ENTREP2: variants seen among roughly 807,000 people sequenced by gnomAD.
ENTREP2 encodes protein ENTREP2.
the ENTREP2 span, among the ~76,000 whole-genome samples, chr15:29,246,576 T>C: frequency 6.6e-6 from 1 of 151,836 alleles, no homozygotes; most frequent in African/African-American, 2.4e-5. Flanking sequence ...GGCGGGCGCC[T>C]GTAATCCCAG....
the ENTREP2 span, among the ~76,000 whole-genome samples, chr15:29,406,967 T>A: frequency 3.3e-5 from 5 of 152,154 alleles, no homozygotes; most frequent in African/African-American, 1.2e-4. Context: ...ACAGTGCCTT[T>A]AAAAAAAATC....
the ENTREP2 span, among the ~76,000 whole-genome samples, chr15:29,241,211 A>G: frequency 2.6e-5 from 4 of 152,232 alleles, no homozygotes; most frequent in South Asian, 8.3e-4. Context: ...ATAGCAAAAC[A>G]GAGGGGATGG....
At chr15:29,368,337 A>AAAATAT in the ENTREP2 span, among the ~76,000 whole-genome samples, 192 of 146,164 alleles carry the variant, frequency 1.3e-3, 1 homozygote, top group South Asian at 3.5e-3. Flanking sequence ...CAAAAAAAAA[A>AAAATAT]ATATATATAT....
At chr15:29,141,780 A>G in the ENTREP2 span, among the ~76,000 whole-genome samples, 2 of 152,180 alleles carry the variant, frequency 1.3e-5, no homozygotes, top group South Asian at 2.1e-4. Flanking sequence ...TGCTGAATCA[A>G]CTTCCTCCTG....
chr15:29,319,230 C>A, the ENTREP2 span, among the ~76,000 whole-genome samples: 2 of 152,166 alleles, frequency 1.3e-5, no homozygotes, highest in Non-Finnish European at 2.9e-5. Flanking sequence ...CTTCCATGTT[C>A]TATAAACTCT....
the ENTREP2 span, among the ~76,000 whole-genome samples, chr15:29,284,297 C>G: frequency 1.3e-5 from 2 of 152,096 alleles, no homozygotes; most frequent in Non-Finnish European, 2.9e-5. Context: ...GTGGCTCATG[C>G]CTGTAATCCC....
the ENTREP2 span, among the ~76,000 whole-genome samples, chr15:29,207,091 G>GC: frequency 6.6e-6 from 1 of 152,124 alleles, no homozygotes; most frequent in Non-Finnish European, 1.5e-5. Flanking sequence ...CCCTCAGCCA[G>GC]CCCCTCCAGC....
chr15:29,494,500 A>G, the ENTREP2 span, among the ~76,000 whole-genome samples: 2,063 of 152,338 alleles, frequency 0.014, 41 homozygotes, highest in African/African-American at 0.047. Context: ...ATCACCTCAC[A>G]TAGTTACCAT....
At chr15:29,524,779 G>A in the ENTREP2 span, among the ~76,000 whole-genome samples, 2 of 152,208 alleles carry the variant, frequency 1.3e-5, no homozygotes, top group Non-Finnish European at 2.9e-5. Context: ...GGTGGACAGC[G>A]AGCGAAAGCT....
chr15:29,544,887 T>G, the ENTREP2 span, among the ~76,000 whole-genome samples: 1 of 152,176 alleles, frequency 6.6e-6, no homozygotes, highest in African/African-American at 2.4e-5. Context: ...ATGCATAAAC[T>G]TAACCAGGCA....
the ENTREP2 span, among the ~76,000 whole-genome samples, chr15:29,556,251 T>C: frequency 6.6e-6 from 1 of 152,130 alleles, no homozygotes; most frequent in Non-Finnish European, 1.5e-5. Context: ...AGAGAGACCC[T>C]GTTGGAAGGA....
chr15:29,136,789 C>A, the ENTREP2 span, among the ~76,000 whole-genome samples: 3 of 152,052 alleles, frequency 2.0e-5, no homozygotes, highest in African/African-American at 4.8e-5. Flanking sequence ...ACACAAATGA[C>A]TGCAACGTGA....
the ENTREP2 span, among the ~76,000 whole-genome samples, chr15:29,370,109 G>C: frequency 5.3e-5 from 8 of 152,086 alleles, no homozygotes; most frequent in Non-Finnish European, 1.0e-4. Flanking sequence ...AAGACATACA[G>C]AAAACAAATA....
the ENTREP2 span, among the ~76,000 whole-genome samples, chr15:29,538,678 G>A: frequency 1.5e-4 from 23 of 151,214 alleles, no homozygotes; most frequent in South Asian, 1.5e-3. Context: ...GCGTGGTGGC[G>A]GGCGCCTGTA....
At chr15:29,575,126 A>T in the ENTREP2 span, among the ~76,000 whole-genome samples, 1 of 152,094 alleles carries the variant, frequency 6.6e-6, no homozygotes, top group African/African-American at 2.4e-5. Flanking sequence ...GACCCAGTAA[A>T]CCAGTCCCCT....
chr15:29,389,334 G>A, the ENTREP2 span, among the ~76,000 whole-genome samples: 106,085 of 151,612 alleles, frequency 0.7, 37,688 homozygotes, highest in Middle Eastern at 0.78. Context: ...ACGACATCCG[G>A]AGTGGGACAC....
the ENTREP2 span, among the ~76,000 whole-genome samples, chr15:29,529,921 T>G: frequency 6.6e-6 from 1 of 152,188 alleles, no homozygotes; most frequent in Admixed American, 6.5e-5. Flanking sequence ...TTTAGTCATC[T>G]GACTAAAGAC....
the ENTREP2 span, among the ~76,000 whole-genome samples, chr15:29,264,388 ATTTG>A: frequency 6.6e-6 from 1 of 152,164 alleles, no homozygotes; most frequent in African/African-American, 2.4e-5. Flanking sequence ...CACACAAGTT[ATTTG>A]TTTACCTTAA....
the ENTREP2 span, among the ~76,000 whole-genome samples, chr15:29,125,176 G>A: frequency 1.3e-5 from 2 of 152,214 alleles, no homozygotes; most frequent in Admixed American, 6.5e-5. Flanking sequence ...GCCCAACAAA[G>A]CCATCAGGGG....
Sources: allele counts gnomAD v4.1 joint callset (sites outside exome capture counted in the v4.1 genomes callset), GRCh38; gene constraint gnomAD v4.1.1; transcripts MANE v1.5; gene names NCBI Gene and HGNC (gene_info 2026-07-23, HGNC 2026-07-21).